The following LINGO2 variants were observed in gnomAD, a reference collection of about 807,000 sequenced individuals.
LINGO2 encodes the protein leucine rich repeat and Ig domain containing 2, also known as leucine-rich repeat and immunoglobulin-like domain-containing nogo receptor-interacting protein 2.
Under a neutral mutation model 30.6 loss-of-function variants are expected in LINGO2, and 14 were observed. The observed-to-expected ratio is 0.46, with a 90% CI of 0.30 to 0.72. The LOEUF (loss-of-function observed/expected upper bound fraction) is 0.72, where lower values mean the gene tolerates loss of function less well. Among genes scored for constraint, LINGO2 ranks in the 30% least tolerant of loss-of-function variants. LINGO2 has a pLI of 0.07. For missense variants in LINGO2, 729 were observed against 751.7 expected, an observed-to-expected ratio of 0.97 and a Z score of 0.35; for synonymous variants, 317 against 288.5, an observed-to-expected ratio of 1.10 and a Z score of -1.00.
the LINGO2 span, among the ~76,000 whole-genome samples, chr9:29,032,620 T>C: frequency 2.0e-5 from 3 of 152,172 alleles, no homozygotes; most frequent in South Asian, 6.2e-4. Flanking sequence ...AGCCTCAGAT[T>C]CTGTTGTGTA....
chr9:28,896,340 C>T, the LINGO2 span, among the ~76,000 whole-genome samples: 1 of 151,992 alleles, frequency 6.6e-6, no homozygotes. Context: ...TTGGTACATG[C>T]GGCTTTATTT....
intron 1 of LINGO2, among the ~76,000 whole-genome samples, chr9:28,656,351 A>G (rs1008692377): frequency 1.1e-4 from 17 of 152,126 alleles, no homozygotes; most frequent in African/African-American, 4.1e-4. Flanking sequence ...ACAAAGAAAA[A>G]GATAATAAGT....
chr9:28,057,576 CACATATAT>C (rs1824990910), intron 4 of LINGO2, among the ~76,000 whole-genome samples: 1 of 21,482 alleles, frequency 4.7e-5, no homozygotes, highest in Non-Finnish European at 1.3e-4. Flanking sequence ...CATATATATA[CACATATAT>C]GTATATACAT....
At chr9:29,063,056 A>C in the LINGO2 span, among the ~76,000 whole-genome samples, 1 of 152,146 alleles carries the variant, frequency 6.6e-6, no homozygotes, top group Non-Finnish European at 1.5e-5. Context: ...AGTAAAGAAC[A>C]ACGTATCTAT....
At chr9:29,098,346 A>T in the LINGO2 span, among the ~76,000 whole-genome samples, 1 of 152,294 alleles carries the variant, frequency 6.6e-6, no homozygotes, top group East Asian at 1.9e-4. Context: ...GCTAAACAGT[A>T]GAATTAAAAA....
At chr9:29,158,101 G>C in the LINGO2 span, among the ~76,000 whole-genome samples, 4 of 151,914 alleles carry the variant, frequency 2.6e-5, no homozygotes, top group African/African-American at 9.7e-5. Flanking sequence ...CCAGAACTTT[G>C]GGAGGCCAAG....
At chr9:28,987,127 T>C in the LINGO2 span, among the ~76,000 whole-genome samples, 20 of 150,058 alleles carry the variant, frequency 1.3e-4, no homozygotes, top group African/African-American at 4.9e-4. Context: ...ATGATTTCTA[T>C]ACCTAAGATG....
chr9:28,350,569 C>A lies in LINGO2; in HGVS notation c.-246+22267G>T, dbSNP rs561968057. On this transcript the variant is annotated intron_variant, in intron 3 of 5. Coordinates refer to ENST00000379992, the Ensembl canonical transcript of LINGO2. ...AATAATGGGAGACTTTAACACCCCA[C>A]TGTCAACATTAGACAGATCAACGAG... 6.9e-5 allele frequency among the ~76,000 whole-genome samples: 10 copies of A among 145,978 alleles called. No homozygotes were observed. In the East Asian group the frequency reaches 1.2e-3, roughly 18 times the overall value.
intron 4 of LINGO2, among the ~76,000 whole-genome samples, chr9:28,136,179 A>AT (rs1263525729): frequency 1.3e-5 from 2 of 152,220 alleles, no homozygotes; most frequent in African/African-American, 4.8e-5. Context: ...ATAATTAATT[A>AT]TAGAATTTTT....
At chr9:28,275,111 C>G (rs1410589774) in intron 4 of LINGO2, among the ~76,000 whole-genome samples, 4 of 152,070 alleles carry the variant, frequency 2.6e-5, no homozygotes, top group Non-Finnish European at 5.9e-5. Context: ...CTCTGTCGCC[C>G]AGGCTGGAGT....
At chr9:28,391,533 C>T (rs939861883) in intron 2 of LINGO2, among the ~76,000 whole-genome samples, 6 of 152,118 alleles carry the variant, frequency 3.9e-5, no homozygotes, top group South Asian at 2.1e-4. Flanking sequence ...CCCTGTCTAA[C>T]GGCCTTATTA....
At chr9:28,091,280 A>G (rs1270195049) in intron 4 of LINGO2, among the ~76,000 whole-genome samples, 1 of 152,206 alleles carries the variant, frequency 6.6e-6, no homozygotes, top group Non-Finnish European at 1.5e-5. Flanking sequence ...CAAAAGAACA[A>G]AGCTGGAGGC....
chr9:28,961,726 C>T, the LINGO2 span, among the ~76,000 whole-genome samples: 1 of 152,110 alleles, frequency 6.6e-6, no homozygotes, highest in South Asian at 2.1e-4. Flanking sequence ...AGTGACAGAA[C>T]AAAAATCATC....
chr9:28,417,197 C>T (rs1461365447), intron 2 of LINGO2, among the ~76,000 whole-genome samples: 4 of 152,134 alleles, frequency 2.6e-5, no homozygotes, highest in Non-Finnish European at 1.5e-5. Flanking sequence ...CAACTTGTTT[C>T]TGGTTTTCAG....
At chr9:28,137,100 A>G (rs2133473363) in intron 4 of LINGO2, among the ~76,000 whole-genome samples, 3 of 152,068 alleles carry the variant, frequency 2.0e-5, no homozygotes, top group East Asian at 1.9e-4. Flanking sequence ...CAGCTTGCCA[A>G]CTGCAGGGGA....
chr9:28,261,016 T>C (rs1239424234), intron 4 of LINGO2, among the ~76,000 whole-genome samples: 1 of 152,014 alleles, frequency 6.6e-6, no homozygotes, highest in Non-Finnish European at 1.5e-5. Context: ...GTAGGATACA[T>C]GTAAATCATA....
intron 3 of LINGO2, among the ~76,000 whole-genome samples, chr9:28,314,310 C>A (rs1467930920): frequency 2.0e-5 from 3 of 152,210 alleles, no homozygotes; most frequent in South Asian, 4.2e-4. Flanking sequence ...GCAGCTGGAT[C>A]CTTAGTTAGG....
At chr9:28,872,470 T>A in the LINGO2 span, among the ~76,000 whole-genome samples, 1 of 152,140 alleles carries the variant, frequency 6.6e-6, no homozygotes, top group Non-Finnish European at 1.5e-5. Context: ...TGAGAAACAG[T>A]GAAAATAGAT....
At chr9:28,119,192 T>C (rs1827021482) in intron 4 of LINGO2, among the ~76,000 whole-genome samples, 1 of 152,202 alleles carries the variant, frequency 6.6e-6, no homozygotes, top group Non-Finnish European at 1.5e-5. Context: ...GATTTTAGCA[T>C]GTAGGTCAGT....
Sources: allele counts gnomAD v4.1 joint callset (sites outside exome capture counted in the v4.1 genomes callset), GRCh38; gene constraint gnomAD v4.1.1; transcripts MANE v1.5; gene names NCBI Gene and HGNC (gene_info 2026-07-23, HGNC 2026-07-21).